Variants in IGDCC3 observed in about 807,000 individuals in gnomAD.
The protein encoded by IGDCC3 is putative neuronal cell adhesion molecule.
Under a neutral mutation model 72.0 loss-of-function variants are expected in IGDCC3, and 47 were observed. The ratio of observed to expected loss-of-function variants is 0.65; its 90% CI spans 0.52 to 0.83. The LOEUF (loss-of-function observed/expected upper bound fraction) is 0.83, where lower values mean the gene tolerates loss of function less well. IGDCC3 is among the 40% of genes least tolerant of loss of function. The probability of loss-of-function intolerance (pLI) is 0.00; values close to 1 mark genes in which losing one functional copy is unlikely to be tolerated. For synonymous variants in IGDCC3, 477 were observed against 472.8 expected (o/e 1.01, Z -0.11); for missense variants, 1,038 against 1,091.3 (o/e 0.95, Z 0.69).
intron 2 of IGDCC3, among the ~76,000 whole-genome samples, chr15:65,353,514 T>G (rs2091188612): frequency 6.6e-6 from 1 of 152,130 alleles, no homozygotes. Flanking sequence ...CCTCCCAAAG[T>G]GCTGGGATTA....
In IGDCC3 at chr15:65,331,967, G is replaced by A; in HGVS notation, c.1122C>T (p.Gly374=). The change falls in exon 7 of 14, where the codon GGC becomes GGT. Residue 374 remains glycine, a synonymous_variant. Transcript: ENST00000327987. ...TGTTGTTATTCTTGAGCCTGACGTG[G>A]CCTCCTGGCCCCAGCACCTGTCCAT... ...LKNGQVLGPG[G]HVRLKNNNST... 1 of 1,614,020 alleles carries A rather than the reference G, an allele frequency of 6.2e-7. No individual in the cohort carries two copies. The highest frequency in any genetic ancestry group is 8.5e-7 in the Non-Finnish European group (1 of 1,180,024).
intron 2 of IGDCC3, chr15:65,373,722 G>A (rs1437651775): frequency 6.6e-6 from 1 of 152,630 alleles, no homozygotes; most frequent in East Asian, 1.9e-4. Context: ...TTTCTCTTCT[G>A]TAAAAGGGGG....
At chr15:65,349,737 C>T (rs1034983801) in intron 2 of IGDCC3, among the ~76,000 whole-genome samples, 1 of 152,190 alleles carries the variant, frequency 6.6e-6, no homozygotes, top group East Asian at 1.9e-4. Context: ...TTCTTTTGGT[C>T]TCTGGCTTCA....
In IGDCC3 at chr15:65,330,584, A is replaced by G. The variant is rs2090967794; in HGVS notation, c.1719T>C (p.Pro573=). Residue 573 remains proline, a synonymous_variant, in exon 10 of 14, where the codon CCT becomes CCC. Coordinates refer to ENST00000327987, the MANE Select transcript of IGDCC3 (RefSeq NM_004884.4). ...KTSFTGPILL[P]GTVSSYNLSQ... The stretch of plus-strand genomic sequence containing the variant: ...TGAGGTTGTAGGAGGAGACGGTTCC[A>G]GGCAGCAGGATGGGGCCGGTGAAGG... 2 of 1,613,596 alleles carry G rather than the reference A, an allele frequency of 1.2e-6. No homozygotes were observed. Among genetic ancestry groups the G allele is most frequent in the Non-Finnish European group, 1.7e-6 (2 of 1,179,992 alleles).
At chr15:65,366,834 G>A (rs899266295) in intron 2 of IGDCC3, among the ~76,000 whole-genome samples, 10 of 106,454 alleles carry the variant, frequency 9.4e-5, no homozygotes, top group Non-Finnish European at 1.5e-4. Context: ...AACATCTATC[G>A]TGAGTCCAGG....
chr15:65,333,716 C>T (rs1028778153), intron 5 of IGDCC3, among the ~76,000 whole-genome samples: 4 of 152,208 alleles, frequency 2.6e-5, no homozygotes, highest in African/African-American at 9.6e-5. Flanking sequence ...CTTAGATTGA[C>T]GTTTCCCAGC....
At chr15:65,333,234 C>G (rs758527059) in intron 6 of IGDCC3, 23 bp downstream of exon 6, 1 of 1,580,942 alleles carries the variant, frequency 6.3e-7, no homozygotes, top group Admixed American at 1.7e-5. Flanking sequence ...CTGCCCTCCT[C>G]CTCAGGGTTG....
rs10553352 is a variant in IGDCC3, at chr15:65,370,515, A to T, written c.409+4582T>A. On this transcript the variant is annotated intron_variant, in intron 2 of 13. Transcript: ENST00000327987. ...GAGCGAGACTTGGTCTCAAAAAAAA[A>T]ATATATATATATATATATATATTTA... 3.9e-3 allele frequency among the ~76,000 whole-genome samples: 276 copies of T among 71,268 alleles called. 6 individuals are homozygous for T. The highest frequency in any genetic ancestry group is 8.2e-3 in the Middle Eastern group (1 of 122). The allele number at this position is 71,268 out of a possible 152,430, so 46.8% of individuals were successfully genotyped here. A position where few individuals can be genotyped will look rare whatever the true frequency, so the allele number is the denominator to read the frequency against.
rs2091349533 is a variant in IGDCC3 at position 65,375,044 on chromosome 15, C to T, written c.409+53G>A. The T allele has an allele frequency of 4.4e-5, 68 of 1,530,868 alleles. 1 individual carries two copies. The South Asian group carries it at 7.8e-4, about 17-fold the overall frequency. 94.8% of individuals were successfully genotyped at this position (1,530,868 alleles called of 1,614,324 possible). A position where few individuals can be genotyped will look rare whatever the true frequency, so the allele number is the denominator to read the frequency against. ...CCGCTGCCCTCATGCCCTAGGCTGA[C>T]CCTGGATCACCAGCTGGCTTACACA... On this transcript the variant is annotated intron_variant, in intron 2 of 13. Transcript: ENST00000327987.
chr15:65,339,297 G>T lies in IGDCC3; in HGVS notation c.410-3341C>A, dbSNP rs934840808. On this transcript the variant is annotated intron_variant, in intron 2 of 13. Transcript: ENST00000327987. The surrounding 1 kb of genome is among the most constrained non-coding windows in gnomAD (Gnocchi z 4.1). ...GGCTTTCACCATGTTAGTCAGGCTG[G>T]TCTCAAACTCCTGACCTCGTGATCC... 8.5e-5 allele frequency among the ~76,000 whole-genome samples: 13 copies of T among 152,196 alleles called. No homozygotes were observed. The highest frequency in any genetic ancestry group is 1.3e-4 in the Admixed American group (2 of 15,288).
chr15:65,328,878 C>T lies in IGDCC3; in HGVS notation c.*31G>A, dbSNP rs758106277. The stretch of plus-strand genomic sequence containing the variant: ...TTTGACCTGAGAATGGGCCCCGCTC[C>T]GTCCACCCTCTGGAGCCTGCCAGAC... On this transcript the variant is annotated 3_prime_UTR_variant, in exon 14 of 14. Coordinates refer to ENST00000327987, the MANE Select transcript of IGDCC3 (RefSeq NM_004884.4). The T allele has an allele frequency of 1.5e-5, 22 of 1,503,600 alleles. No homozygotes were observed. Among genetic ancestry groups the T allele is most frequent in the South Asian group, 2.7e-5 (2 of 73,644 alleles). 93.1% of individuals were successfully genotyped at this position (1,503,600 alleles called of 1,614,324 possible). A position where few individuals can be genotyped will look rare whatever the true frequency, so the allele number is the denominator to read the frequency against.
chr15:65,342,620 C>G (rs1349549168), intron 2 of IGDCC3, among the ~76,000 whole-genome samples: 5 of 152,076 alleles, frequency 3.3e-5, no homozygotes, highest in Non-Finnish European at 2.9e-5. Flanking sequence ...TGCTCATGGT[C>G]TCTCTGGCCG....
At chr15:65,351,955 T>A (rs536657574) in intron 2 of IGDCC3, among the ~76,000 whole-genome samples, 1 of 152,308 alleles carries the variant, frequency 6.6e-6, no homozygotes, top group East Asian at 1.9e-4. Context: ...TAAAAGGTGG[T>A]TTATAATCAA....
At chr15:65,337,031 G>A (rs1274335265) in intron 2 of IGDCC3, among the ~76,000 whole-genome samples, 1 of 152,198 alleles carries the variant, frequency 6.6e-6, no homozygotes, top group East Asian at 1.9e-4. Flanking sequence ...CAGCAGCAGG[G>A]ACACTGGAGC....
intron 2 of IGDCC3, among the ~76,000 whole-genome samples, chr15:65,355,384 G>C (rs1423979677): frequency 6.6e-6 from 1 of 152,096 alleles, no homozygotes; most frequent in Admixed American, 6.5e-5. Flanking sequence ...GGCCTCAAAG[G>C]AGAAAAGCAC....
chr15:65,361,152 G>C (rs920255753), intron 2 of IGDCC3, among the ~76,000 whole-genome samples: 1 of 152,032 alleles, frequency 6.6e-6, no homozygotes, highest in Non-Finnish European at 1.5e-5. Context: ...CTGGCCTACC[G>C]GCACAGTGGC....
At chr15:65,351,077 A>G (rs1480748950) in intron 2 of IGDCC3, among the ~76,000 whole-genome samples, 1 of 152,228 alleles carries the variant, frequency 6.6e-6, no homozygotes, top group Non-Finnish European at 1.5e-5. Context: ...AAGGTTCATA[A>G]AAATTAATTG....
chr15:65,353,251 T>C (rs1303010918), intron 2 of IGDCC3, among the ~76,000 whole-genome samples: 1 of 138,768 alleles, frequency 7.2e-6, no homozygotes, highest in East Asian at 2.6e-4. Flanking sequence ...CCTTCCTTCC[T>C]TCCTTCCGTT....
At chr15:65,348,040 A>T (rs946611127) in intron 2 of IGDCC3, among the ~76,000 whole-genome samples, 3 of 152,200 alleles carry the variant, frequency 2.0e-5, no homozygotes, top group African/African-American at 7.2e-5. Flanking sequence ...AATGGACACG[A>T]GAGTGACCTC....
Sources: allele counts gnomAD v4.1 joint callset (sites outside exome capture counted in the v4.1 genomes callset), GRCh38; gene constraint gnomAD v4.1.1; non-coding constraint Gnocchi (gnomAD v3.1); transcripts MANE v1.5; gene names NCBI Gene and HGNC (gene_info 2026-07-23, HGNC 2026-07-21).